The following SCAF8 variants were observed in gnomAD, a reference collection of about 807,000 sequenced individuals.
SCAF8 encodes SR-related CTD associated factor 8, also known as SR-related and CTD-associated factor 8.
A neutral mutation model predicts 140.5 loss-of-function variants in SCAF8; 23 were observed. That is an observed-to-expected ratio of 0.16 (90% CI 0.12 to 0.23). SCAF8 has a LOEUF of 0.23. SCAF8 is among the 10% of genes least tolerant of loss of function. The pLI is 1.00. For missense variants in SCAF8, 1,397 were observed against 1,555.7 expected, an observed-to-expected ratio of 0.90 and a Z score of 1.72; for synonymous variants, 575 against 528.9, an observed-to-expected ratio of 1.09 and a Z score of -1.20.
chr6:154,822,207 A>G, intron 15 of SCAF8, 69 bp from the exon 16 acceptor site: 1 of 1,493,350 alleles, frequency 6.7e-7, no homozygotes, highest in South Asian at 1.3e-5. Flanking sequence ...TGTGAAATAA[A>G]TGAATACAAA....
chr6:154,830,774 G>T (rs1358239685), intron 18 of SCAF8, 148 bp from the exon 19 acceptor site: 5 of 496,696 alleles, frequency 1.0e-5, no homozygotes, highest in African/African-American at 2.0e-5. Flanking sequence ...TATTCATGAT[G>T]ACTCCTTTTG....
At chr6:154,805,554 G>T in intron 9 of SCAF8, 68 bp downstream of exon 9, 3 of 799,400 alleles carry the variant, frequency 3.8e-6, no homozygotes, top group East Asian at 2.8e-5. Flanking sequence ...GCATTTTTGT[G>T]GGTTGGCTTT....
rs370598712 is a variant in SCAF8 at position 154,788,034 on chromosome 6, GTTT to G, written c.321+22_321+24del. On this transcript the variant is annotated intron_variant, in intron 4 of 19. Coordinates refer to ENST00000367178, the MANE Select transcript of SCAF8 (RefSeq NM_014892.5). The stretch of plus-strand genomic sequence containing the variant: ...CTGGGGATGACAAGGTATGCTACTG[GTTT>G]TTTTTTTTTGTTTTTTTAAAAGTAG... The G allele has an allele frequency of 2.4e-6, 3 of 1,237,340 alleles. No homozygotes were observed. Among genetic ancestry groups the G allele is most frequent in the African/African-American group, 1.6e-5 (1 of 62,626 alleles). The allele number at this position is 1,237,340 out of a possible 1,614,324, so 76.6% of individuals were successfully genotyped here.
intron 17 of SCAF8, chr6:154,825,171 A>G (rs1235451494): frequency 6.6e-6 from 1 of 152,116 alleles, no homozygotes; most frequent in Non-Finnish European, 1.5e-5. Context: ...AATTATTTTT[A>G]TTCTTTAAAT....
intron 1 of SCAF8, among the ~76,000 whole-genome samples, chr6:154,752,032 TAA>T (rs1322631811): frequency 2.2e-4 from 33 of 152,256 alleles, no homozygotes; most frequent in Admixed American, 7.9e-4. Flanking sequence ...GGTTATTCTT[TAA>T]GTCTATATCC....
chr6:154,784,155 A>ATTTATTTATTTATT (rs1554260676), intron 3 of SCAF8, among the ~76,000 whole-genome samples: 2 of 92,016 alleles, frequency 2.2e-5, no homozygotes, highest in Non-Finnish European at 4.5e-5. Context: ...ATATATATAT[A>ATTTATTTATTTATT]TATTTATTTA....
rs77100513 is a variant in SCAF8, at chr6:154,747,410, G to C, written c.30+13480G>C. 1.6e-3 allele frequency among the ~76,000 whole-genome samples: 239 copies of C among 152,228 alleles called. 3 individuals are homozygous for C. The East Asian group carries it at 0.034, about 22-fold the overall frequency. ...ATGGTGATGCATGTCTATAGTCCCA[G>C]CTACTTGGGAGGATTGCTTAATCCA... On this transcript the variant is annotated intron_variant, in intron 1 of 19. Coordinates refer to ENST00000367178, the MANE Select transcript of SCAF8 (RefSeq NM_014892.5).
intron 5 of SCAF8, among the ~76,000 whole-genome samples, chr6:154,793,581 G>A (rs1314409283): frequency 1.3e-5 from 2 of 151,718 alleles, no homozygotes; most frequent in Admixed American, 6.6e-5. Flanking sequence ...TTGGGAGGCC[G>A]AGGCAGGCAG....
chr6:154,792,750 T>G (rs1295276003), intron 4 of SCAF8, 73 bp from the exon 5 acceptor site: 3 of 1,017,604 alleles, frequency 2.9e-6, no homozygotes, highest in African/African-American at 3.3e-5. Flanking sequence ...AGGGCCCAGA[T>G]AGCCTCTATG....
intron 1 of SCAF8, among the ~76,000 whole-genome samples, chr6:154,734,419 G>C (rs139836263): frequency 2.6e-5 from 4 of 152,122 alleles, no homozygotes; most frequent in African/African-American, 9.6e-5. Flanking sequence ...GTTACACGTA[G>C]TGTTTATAAT....
At chr6:154,805,611 C>G (rs1436162240) in intron 9 of SCAF8, 125 bp downstream of exon 9, 2 of 434,666 alleles carry the variant, frequency 4.6e-6, no homozygotes, top group Non-Finnish European at 8.2e-6. Flanking sequence ...AACTATTTAG[C>G]TTTTACCAGC....
At chr6:154,772,840 A>G (rs1163034437) in intron 1 of SCAF8, among the ~76,000 whole-genome samples, 6 of 151,846 alleles carry the variant, frequency 4.0e-5, no homozygotes, top group African/African-American at 1.5e-4. Flanking sequence ...GCTCACTGCA[A>G]CCTCCACCTC....
chr6:154,798,308 CAATT>C (rs1359497921), intron 6 of SCAF8, among the ~76,000 whole-genome samples: 3 of 151,364 alleles, frequency 2.0e-5, no homozygotes, highest in Non-Finnish European at 4.4e-5. Flanking sequence ...ATACAGATGA[CAATT>C]AAATTTGTTT....
At chr6:154,733,986 C>A in intron 1 of SCAF8, 56 bp downstream of exon 1, 2 of 1,472,958 alleles carry the variant, frequency 1.4e-6, no homozygotes, top group South Asian at 2.8e-5. Flanking sequence ...CACCCCTGGT[C>A]GAGGCCGGGG....
chr6:154,742,880 T>C (rs1250426926), intron 1 of SCAF8, among the ~76,000 whole-genome samples: 1 of 152,222 alleles, frequency 6.6e-6, no homozygotes, highest in African/African-American at 2.4e-5. Flanking sequence ...TTGAAAGATG[T>C]AGGATTTCAT....
chr6:154,824,897 T>TCA (rs1314739195), intron 17 of SCAF8: 1 of 150,846 alleles, frequency 6.6e-6, no homozygotes, highest in Non-Finnish European at 1.5e-5. Flanking sequence ...TGAGCCAAGA[T>TCA]CACACCACTG....
chr6:154,793,193 A>C (rs886891468), intron 5 of SCAF8, among the ~76,000 whole-genome samples: 11 of 152,232 alleles, frequency 7.2e-5, no homozygotes, highest in African/African-American at 2.7e-4. Context: ...CCACAGAAAC[A>C]TAAATATAAT....
At chr6:154,825,228 G>C (rs989395343) in intron 17 of SCAF8, 2 of 152,104 alleles carry the variant, frequency 1.3e-5, no homozygotes, top group African/African-American at 4.8e-5. Flanking sequence ...CAAGAGCCAG[G>C]CTAATCTCTG....
At chr6:154,738,458 CAAT>C (rs1778486123) in intron 1 of SCAF8, among the ~76,000 whole-genome samples, 1 of 152,106 alleles carries the variant, frequency 6.6e-6, no homozygotes, top group South Asian at 2.1e-4. Flanking sequence ...GATTTAGGCT[CAAT>C]AATTTATTTT....
Sources: allele counts gnomAD v4.1 joint callset (sites outside exome capture counted in the v4.1 genomes callset), GRCh38; gene constraint gnomAD v4.1.1; transcripts MANE v1.5; gene names NCBI Gene and HGNC (gene_info 2026-07-23, HGNC 2026-07-21).